ARIH2: variants seen among roughly 807,000 people sequenced by gnomAD.
The protein encoded by ARIH2 is E3 ubiquitin-protein ligase ARIH2.
ARIH2 carries 12 observed loss-of-function variants against 79.8 expected under a neutral mutation model. The ratio of observed to expected loss-of-function variants is 0.15; its 90% CI spans 0.10 to 0.24. ARIH2 has a LOEUF of 0.24. Ranked by LOEUF, ARIH2 falls within the 10% of genes least tolerant of loss-of-function variation. The probability of loss-of-function intolerance (pLI) is 1.00; values close to 1 mark genes in which losing one functional copy is unlikely to be tolerated. For missense variants in ARIH2, 301 were observed against 618.3 expected (o/e 0.49, Z 5.44); for synonymous variants, 224 against 213.9 (o/e 1.05, Z -0.41).
intron 3 of ARIH2, among the ~76,000 whole-genome samples, chr3:48,960,475 A>G (rs1576412332): frequency 6.6e-6 from 1 of 151,946 alleles, no homozygotes; most frequent in African/African-American, 2.4e-5. Context: ...AAAAAACAAA[A>G]AAACCTGGCC....
chr3:48,978,650 G>C (rs2092642046), intron 11 of ARIH2, among the ~76,000 whole-genome samples: 1 of 151,564 alleles, frequency 6.6e-6, no homozygotes. Flanking sequence ...CCATTGGATA[G>C]CTCTAGGTTT....
rs34080246 is a variant in ARIH2 at position 48,926,242 on chromosome 3, C to CGTGTGTGTGTGTGTGT, written c.-97-1211_-97-1196dup. On this transcript the variant is annotated intron_variant, in intron 2 of 15. Transcript: ENST00000356401. ...TTCTTTTTTGAGATGGAGTTTCCCT[C>CGTGTGTGTGTGTGTGT]GTGTGTGTGTGTGTGTGTGTGTGTA... Among the ~76,000 whole-genome samples the CGTGTGTGTGTGTGTGT allele has an allele frequency of 9.8e-4, 145 of 148,146 alleles. 1 individual carries two copies. The highest frequency in any genetic ancestry group is 3.3e-3 in the African/African-American group (134 of 40,602).
At chr3:48,967,856 A>C (rs1323307605) in intron 6 of ARIH2, among the ~76,000 whole-genome samples, 1 of 152,194 alleles carries the variant, frequency 6.6e-6, no homozygotes, top group Non-Finnish European at 1.5e-5. Context: ...AATTTGGGAT[A>C]ATATTTTAGT....
chr3:48,921,765 T>A (rs1458451148), intron 1 of ARIH2, among the ~76,000 whole-genome samples: 1 of 151,864 alleles, frequency 6.6e-6, no homozygotes, highest in African/African-American at 2.4e-5. Flanking sequence ...TTTTTTTCTT[T>A]TTTGAAGACA....
chr3:48,956,761 C>T (rs986298829), intron 3 of ARIH2, among the ~76,000 whole-genome samples: 2 of 151,700 alleles, frequency 1.3e-5, no homozygotes. Flanking sequence ...TGCAGTGGCA[C>T]GATCTCGGCT....
chr3:48,927,240 T>C, intron 2 of ARIH2: 1 of 306,968 alleles, frequency 3.3e-6, no homozygotes, highest in Non-Finnish European at 6.2e-6. Flanking sequence ...GCCTTTCATG[T>C]GAAGTTACCA....
intron 3 of ARIH2, among the ~76,000 whole-genome samples, chr3:48,946,403 G>C (rs566738495): frequency 1.3e-5 from 2 of 151,416 alleles, no homozygotes; most frequent in South Asian, 4.2e-4. Context: ...TTTTCCAAAG[G>C]TCATGAGCAA....
chr3:48,940,160 C>G (rs1191701392), intron 3 of ARIH2, among the ~76,000 whole-genome samples: 4 of 150,544 alleles, frequency 2.7e-5, no homozygotes, highest in African/African-American at 9.8e-5. Context: ...GAGCCAAGAT[C>G]GCGCCACTGC....
At chr3:48,923,104 G>T (rs1031199093) in intron 2 of ARIH2, among the ~76,000 whole-genome samples, 1 of 151,680 alleles carries the variant, frequency 6.6e-6, no homozygotes, top group South Asian at 2.1e-4. Context: ...CTACTTGGGA[G>T]GCTGAGGCAG....
intron 5 of ARIH2, among the ~76,000 whole-genome samples, chr3:48,965,981 C>T (rs2091759446): frequency 1.3e-5 from 2 of 152,022 alleles, no homozygotes; most frequent in Admixed American, 1.3e-4. Context: ...AAATCTAAGC[C>T]ACCTCTGACA....
chr3:48,973,591 A>T, intron 8 of ARIH2, 108 bp from the exon 9 acceptor site: 1 of 775,732 alleles, frequency 1.3e-6, no homozygotes, highest in Non-Finnish European at 2.1e-6. Context: ...AAAAAAAAAA[A>T]AGAAAAAAGC....
At chr3:48,973,548 G>T in intron 8 of ARIH2, 151 bp from the exon 9 acceptor site, 1 of 541,848 alleles carries the variant, frequency 1.8e-6, no homozygotes, top group Non-Finnish European at 3.3e-6. Flanking sequence ...CTACACTCCA[G>T]CCTGGCGACA....
intron 4 of ARIH2, 52 bp from the exon 5 acceptor site, chr3:48,964,867 T>C (rs2107563113): frequency 1.4e-6 from 2 of 1,439,540 alleles, no homozygotes; most frequent in East Asian, 4.6e-5. Context: ...TGTTCAGGGG[T>C]AAAAATGTCT....
At chr3:48,982,463 A>G (rs184601634) in intron 14 of ARIH2, among the ~76,000 whole-genome samples, 3 of 152,296 alleles carry the variant, frequency 2.0e-5, no homozygotes, top group African/African-American at 7.2e-5. Context: ...ATAAAGCTGT[A>G]TATCTTCTTA....
intron 3 of ARIH2, among the ~76,000 whole-genome samples, chr3:48,940,358 AAGAT>A (rs1410880473): frequency 4.9e-4 from 75 of 152,190 alleles, no homozygotes; most frequent in African/African-American, 1.7e-3. Context: ...TGATTTTAAA[AAGAT>A]AGATAGATAG....
intron 1 of ARIH2, 134 bp downstream of exon 1, chr3:48,919,132 G>C: frequency 3.1e-6 from 4 of 1,301,196 alleles, no homozygotes; most frequent in East Asian, 3.0e-5. Flanking sequence ...CCCCGTCGCC[G>C]GCACGTTGTC....
intron 11 of ARIH2, among the ~76,000 whole-genome samples, chr3:48,978,481 A>ATT (rs1444641987): frequency 2.6e-4 from 13 of 49,328 alleles, no homozygotes; most frequent in East Asian, 2.5e-3. Flanking sequence ...ATATATATAT[A>ATT]TATTTTTTTT....
At chr3:48,941,012 A>C (rs1467378217) in intron 3 of ARIH2, among the ~76,000 whole-genome samples, 1 of 151,150 alleles carries the variant, frequency 6.6e-6, no homozygotes, top group Non-Finnish European at 1.5e-5. Flanking sequence ...TACTGAAAAT[A>C]CAAAAAAAAA....
intron 7 of ARIH2, 80 bp from the exon 8 acceptor site, chr3:48,970,515 T>G: frequency 1.1e-6 from 1 of 901,914 alleles, no homozygotes; most frequent in Non-Finnish European, 1.8e-6. Flanking sequence ...GAACAGAAAG[T>G]GTTTGAATAT....
Sources: allele counts gnomAD v4.1 joint callset (sites outside exome capture counted in the v4.1 genomes callset), GRCh38; gene constraint gnomAD v4.1.1; transcripts MANE v1.5; gene names NCBI Gene and HGNC (gene_info 2026-07-23, HGNC 2026-07-21).